PLEKHG7: variants seen among roughly 807,000 people sequenced by gnomAD.
PLEKHG7 encodes the protein pleckstrin homology domain-containing family G member 7.
PLEKHG7 carries 77 observed loss-of-function variants against 85.2 expected under a neutral mutation model. That is an observed-to-expected ratio of 0.90 (90% CI 0.75 to 1.09). The LOEUF (loss-of-function observed/expected upper bound fraction) is 1.09. Among genes scored for constraint, PLEKHG7 ranks in the 50% least tolerant of loss-of-function variants. PLEKHG7 has a pLI of 0.00. For synonymous variants in PLEKHG7, 301 were observed against 302.4 expected (o/e 1.00, Z 0.05); for missense variants, 777 against 804.3 (o/e 0.97, Z 0.41).
Position 92,770,425 on chromosome 12 carries a change from T to A in PLEKHG7, c.*230T>A. The A allele has an allele frequency of 2.3e-6, 1 of 440,946 alleles. No homozygotes were observed. The highest frequency in any genetic ancestry group is 5.9e-4 in the Middle Eastern group (1 of 1,692). 27.3% of individuals were successfully genotyped at this position (440,946 alleles called of 1,614,324 possible). ...GACAAATATATACTGACATCCAGAT[T>A]ACCTTCTAATGCTTCCGTCAGGTTT... On this transcript the variant is annotated 3_prime_UTR_variant, in exon 17 of 17. Coordinates refer to ENST00000344636, the MANE Select transcript of PLEKHG7 (RefSeq NM_001377329.1).
chr12:92,760,306 T>C (rs1217067352), intron 13 of PLEKHG7, among the ~76,000 whole-genome samples: 2 of 152,212 alleles, frequency 1.3e-5, no homozygotes, highest in Non-Finnish European at 2.9e-5. Flanking sequence ...ACTTGATTTA[T>C]GAAAAGTTAA....
Position 92,737,364 on chromosome 12 carries a change from T to C in PLEKHG7, c.796-14T>C. 7.1e-7 allele frequency: 1 copy of C among 1,410,392 alleles called. No homozygotes were observed. Among genetic ancestry groups the C allele is most frequent in the South Asian group, 1.9e-5 (1 of 51,448 alleles). The allele number at this position is 1,410,392 out of a possible 1,614,324, so 87.4% of individuals were successfully genotyped here. The stretch of plus-strand genomic sequence containing the variant: ...GTGGAAATGTTTTGTTCTCTCTTTT[T>C]CCCTCATGTACAGGATAAGACCTGG... On this transcript the variant is annotated splice_polypyrimidine_tract_variant and intron_variant, in intron 6 of 16. Transcript: ENST00000344636.
At chr12:92,741,005 A>G in intron 8 of PLEKHG7, 57 bp downstream of exon 8, 1 of 1,267,024 alleles carries the variant, frequency 7.9e-7, no homozygotes, top group Non-Finnish European at 1.1e-6. Context: ...ATGAAAATTC[A>G]TGCTTGGTCT....
intron 3 of PLEKHG7, among the ~76,000 whole-genome samples, chr12:92,725,744 T>A (rs1233433632): frequency 1.3e-5 from 2 of 152,196 alleles, no homozygotes; most frequent in Non-Finnish European, 2.9e-5. Context: ...CCTAAACAAC[T>A]TGTTCTACTA....
At chr12:92,721,316 G>A (rs1226898534) in intron 3 of PLEKHG7, 4 of 495,752 alleles carry the variant, frequency 8.1e-6, no homozygotes, top group Non-Finnish European at 1.3e-5. Context: ...TGACACATGG[G>A]TGCACGGCCT....
In PLEKHG7 at chr12:92,743,600, C is replaced by T. The variant is rs371177427; in HGVS notation, c.1138-1878C>T. On this transcript the variant is annotated intron_variant, in intron 9 of 16. Coordinates refer to ENST00000344636, the MANE Select transcript of PLEKHG7 (RefSeq NM_001377329.1). ...GGGTGATCAGAGTCTTGCTCTGTCA[C>T]CCAGTCTGGAGTGCGGTGGCACGAT... is the stretch of plus-strand genomic sequence containing the variant. 1.9e-4 allele frequency among the ~76,000 whole-genome samples: 29 copies of T among 152,198 alleles called. No individual in the cohort carries two copies. In the South Asian group the frequency reaches 6.0e-3, roughly 32 times the overall value.
chr12:92,720,934 T>C (rs1289903724), intron 3 of PLEKHG7, among the ~76,000 whole-genome samples: 2 of 152,212 alleles, frequency 1.3e-5, no homozygotes, highest in African/African-American at 2.4e-5. Context: ...ACAAGTCTTC[T>C]TGGAGTCAGA....
chr12:92,752,982 G>A (rs1872731950), intron 10 of PLEKHG7, among the ~76,000 whole-genome samples: 3 of 152,034 alleles, frequency 2.0e-5, no homozygotes, highest in Admixed American at 2.0e-4. Flanking sequence ...CATTCAAGAG[G>A]GCTCCATGCT....
intron 3 of PLEKHG7, among the ~76,000 whole-genome samples, chr12:92,719,278 G>A (rs1396221427): frequency 1.3e-5 from 2 of 152,140 alleles, no homozygotes; most frequent in Non-Finnish European, 2.9e-5. Context: ...GTTTGTTACT[G>A]ATGCTTAATT....
chr12:92,736,233 T>A (rs564053507), intron 5 of PLEKHG7, among the ~76,000 whole-genome samples: 1 of 151,924 alleles, frequency 6.6e-6, no homozygotes, highest in Non-Finnish European at 1.5e-5. Context: ...TTTTTTTTTT[T>A]AATTTGTAAA....
rs184330186 is a variant in PLEKHG7 at position 92,732,981 on chromosome 12, C to T, written c.699+708C>T. 1.7e-3 allele frequency among the ~76,000 whole-genome samples: 263 copies of T among 152,268 alleles called. 1 individual carries two copies. The highest frequency in any genetic ancestry group is 2.7e-3 in the South Asian group (13 of 4,818). On this transcript the variant is annotated intron_variant, in intron 5 of 16. Transcript: ENST00000344636. ...TACACACCACGACCAGCAGCAGCAG[C>T]GGGGCCTTATGGACTGTTACTATGC...
chr12:92,727,672 C>A (rs1331133549), intron 3 of PLEKHG7, among the ~76,000 whole-genome samples: 3 of 151,980 alleles, frequency 2.0e-5, no homozygotes, highest in Admixed American at 2.0e-4. Context: ...TCACTGCAAC[C>A]TCCACCTCCA....
At position 92,719,824 on chromosome 12, in the gene PLEKHG7, G is replaced by A. The variant is rs1871586819; in HGVS notation, c.531-9169G>A. On this transcript the variant is annotated intron_variant, in intron 3 of 16. Transcript: ENST00000344636. ...GAATTAATCATCTTCAAACGTTTCT[G>A]CCAAGATAAAGGTCACCACACAATT... is the stretch of plus-strand genomic sequence containing the variant. Among the ~76,000 whole-genome samples, 3 of 152,186 alleles carry A rather than the reference G, an allele frequency of 2.0e-5. 1 individual carries two copies. Among genetic ancestry groups the A allele is most frequent in the African/African-American group, 4.8e-5 (2 of 41,420 alleles).
intron 10 of PLEKHG7, among the ~76,000 whole-genome samples, chr12:92,749,942 A>ATTTTT: frequency 3.4e-5 from 1 of 29,018 alleles, no homozygotes; most frequent in African/African-American, 1.4e-4. Context: ...TTTATTTTAT[A>ATTTTT]TTTTATTTTA....
At chr12:92,753,946 G>A in intron 10 of PLEKHG7, 144 bp from the exon 11 acceptor site, 1 of 735,818 alleles carries the variant, frequency 1.4e-6, no homozygotes. Context: ...GATTTAATTT[G>A]TGGCTTATAA....
intron 3 of PLEKHG7, among the ~76,000 whole-genome samples, chr12:92,713,653 G>GC (rs1258218628): frequency 6.6e-6 from 1 of 152,142 alleles, no homozygotes; most frequent in Non-Finnish European, 1.5e-5. Context: ...ATTTCACAAG[G>GC]CATTGGTCAA....
chr12:92,750,596 G>A (rs775007973), intron 10 of PLEKHG7, among the ~76,000 whole-genome samples: 1 of 152,150 alleles, frequency 6.6e-6, no homozygotes, highest in Non-Finnish European at 1.5e-5. Flanking sequence ...TTTTTGGGAG[G>A]ACAGGGGCCT....
rs765261018 is a variant in PLEKHG7, at chr12:92,729,035, T to G, written c.573T>G (p.Pro191=). ...HRRSSVVLNL[P]GLEVFPGDLL... is the part of the protein sequence containing the mutation. ...GGAGTTCTGTGGTGCTGAACTTACCTGGACTTGAGGTGTTCCCCGGGGACC... is the reference window on the plus strand; with the variant it reads ...GGAGTTCTGTGGTGCTGAACTTACCGGGACTTGAGGTGTTCCCCGGGGACC... Residue 191 remains proline, a synonymous_variant, in exon 4 of 17, where the codon CCT becomes CCG. Transcript: ENST00000344636. The G allele has an allele frequency of 4.9e-6, 6 of 1,231,808 alleles. No individual in the cohort carries two copies. The highest frequency in any genetic ancestry group is 6.1e-6 in the Non-Finnish European group (6 of 987,830). The allele number at this position is 1,231,808 out of a possible 1,614,324, so 76.3% of individuals were successfully genotyped here.
chr12:92,714,214 T>C (rs1049927650), intron 3 of PLEKHG7, among the ~76,000 whole-genome samples: 3 of 152,214 alleles, frequency 2.0e-5, no homozygotes, highest in South Asian at 2.1e-4. Flanking sequence ...CCATCACTAT[T>C]GCCTCAGGCA....
Sources: gnomAD v4.1 joint callset for allele counts (sites outside exome capture counted in the v4.1 genomes callset) on GRCh38, gnomAD v4.1.1 for gene constraint, MANE v1.5 for transcripts, NCBI Gene and HGNC (gene_info 2026-07-23, HGNC 2026-07-21) for gene names.